Variants in GRIK1 observed in about 807,000 individuals in gnomAD.
GRIK1 encodes glutamate ionotropic receptor kainate type subunit 1.
A neutral mutation model predicts 105.7 loss-of-function variants in GRIK1; 69 were observed. That is an observed-to-expected ratio of 0.65 (90% CI 0.54 to 0.80). The LOEUF is 0.80. GRIK1 is among the 30% of genes least tolerant of loss of function. The pLI, the probability that GRIK1 is intolerant of heterozygous loss-of-function variation, is 0.00. For synonymous variants in GRIK1, 438 were observed against 431.3 expected, an observed-to-expected ratio of 1.02 and a Z score of -0.19; for missense variants, 1,109 against 1,167.3, an observed-to-expected ratio of 0.95 and a Z score of 0.73.
intron 16 of GRIK1, among the ~76,000 whole-genome samples, chr21:29,539,344 C>G (rs1431771691): frequency 6.6e-6 from 1 of 152,142 alleles, no homozygotes; most frequent in Non-Finnish European, 1.5e-5. Flanking sequence ...AACACTTACA[C>G]TAGCCTACAG....
intron 1 of GRIK1, among the ~76,000 whole-genome samples, chr21:29,843,707 G>C (rs1481216901): frequency 6.6e-6 from 1 of 152,208 alleles, no homozygotes; most frequent in Non-Finnish European, 1.5e-5. Context: ...GGAGAAGATA[G>C]ATGCATTTTA....
intron 4 of GRIK1, among the ~76,000 whole-genome samples, chr21:29,665,856 C>T (rs1227362530): frequency 1.3e-5 from 2 of 152,206 alleles, no homozygotes; most frequent in Non-Finnish European, 2.9e-5. Flanking sequence ...CCTGAAGCCT[C>T]ATTTTCCTCA....
At chr21:29,809,319 T>C (rs2066946891) in intron 1 of GRIK1, among the ~76,000 whole-genome samples, 1 of 152,186 alleles carries the variant, frequency 6.6e-6, no homozygotes, top group South Asian at 2.1e-4. Context: ...TTCCAGTCAG[T>C]GCCTATGAAA....
At chr21:29,716,702 G>A (rs1014966837) in intron 1 of GRIK1, among the ~76,000 whole-genome samples, 5 of 152,192 alleles carry the variant, frequency 3.3e-5, no homozygotes, top group African/African-American at 1.2e-4. Context: ...AAGTGGCAAA[G>A]CACTCAAGAG....
At chr21:29,815,332 A>G (rs568236850) in intron 1 of GRIK1, among the ~76,000 whole-genome samples, 1 of 152,226 alleles carries the variant, frequency 6.6e-6, no homozygotes, top group African/African-American at 2.4e-5. Context: ...TGTGTATTAG[A>G]GATATTTGTA....
chr21:29,615,047 T>C (rs1766569097), intron 7 of GRIK1, among the ~76,000 whole-genome samples: 1 of 151,730 alleles, frequency 6.6e-6, no homozygotes, highest in Non-Finnish European at 1.5e-5. Flanking sequence ...TCTTGTTGAA[T>C]GAGCGATAGA....
Position 29,672,961 on chromosome 21 carries a change from ACCTCCT to A in GRIK1, c.726+16_726+21del. 6.4e-7 allele frequency: 1 copy of A among 1,556,236 alleles called. No homozygotes were observed. Among genetic ancestry groups the A allele is most frequent in the Non-Finnish European group, 8.8e-7 (1 of 1,141,834 alleles). The stretch of plus-strand genomic sequence containing the variant: ...AAAATAACATTTATCCCACACCTCC[ACCTCCT>A]CCCTAGCCCTCTTACCTGCTTAAGG... On this transcript the variant is annotated intron_variant, in intron 4 of 17. Transcript: ENST00000327783.
intron 1 of GRIK1, among the ~76,000 whole-genome samples, chr21:29,837,625 T>C (rs1486694447): frequency 6.6e-6 from 1 of 152,190 alleles, no homozygotes; most frequent in African/African-American, 2.4e-5. Context: ...CAGCCAAGCT[T>C]ATGAGCATAT....
At chr21:29,550,087 G>A (rs1601083653) in intron 16 of GRIK1, among the ~76,000 whole-genome samples, 1 of 101,694 alleles carries the variant, frequency 9.8e-6, no homozygotes, top group Admixed American at 1.4e-4. Context: ...CAGCCTGGGC[G>A]ACAGAGAAAG....
chr21:29,924,034 T>A (rs1003662659), intron 1 of GRIK1, among the ~76,000 whole-genome samples: 1 of 152,054 alleles, frequency 6.6e-6, no homozygotes, highest in African/African-American at 2.4e-5. Flanking sequence ...GGGAGATATA[T>A]ACTCATATAT....
rs551544672 is a variant in GRIK1 at position 29,881,023 on chromosome 21, G to A, written c.118+58360C>T. On this transcript the variant is annotated intron_variant, in intron 1 of 17. Coordinates refer to ENST00000327783, the MANE Select transcript of GRIK1 (RefSeq NM_001330994.2). ...AATTTGTTTTGAGAAGCACCCAGGA[G>A]CACAACAATCTCAAGACTAAATTTC... Among the ~76,000 whole-genome samples, 6 of 152,234 alleles carry A rather than the reference G, an allele frequency of 3.9e-5. No individual in the cohort carries two copies. In the South Asian group the frequency reaches 1.0e-3, roughly 26 times the overall value.
chr21:29,621,809 C>T (rs1416717465), intron 7 of GRIK1, among the ~76,000 whole-genome samples: 1 of 152,300 alleles, frequency 6.6e-6, no homozygotes, highest in Admixed American at 6.5e-5. Flanking sequence ...ATACAACATC[C>T]ACTTTACACT....
chr21:29,704,117 C>G (rs2063861311), intron 1 of GRIK1, among the ~76,000 whole-genome samples: 1 of 152,144 alleles, frequency 6.6e-6, no homozygotes, highest in Admixed American at 6.5e-5. Flanking sequence ...CAGTGTTATT[C>G]AACACTCAGT....
At chr21:29,767,459 A>C (rs2065695737) in intron 1 of GRIK1, among the ~76,000 whole-genome samples, 1 of 152,144 alleles carries the variant, frequency 6.6e-6, no homozygotes, top group African/African-American at 2.4e-5. Flanking sequence ...ACCTGTCTGC[A>C]TTATGGAAGT....
At chr21:29,623,004 T>G (rs1395338819) in intron 7 of GRIK1, among the ~76,000 whole-genome samples, 2 of 152,144 alleles carry the variant, frequency 1.3e-5, no homozygotes, top group Non-Finnish European at 2.9e-5. Flanking sequence ...GGTAACAAAT[T>G]GACTGCCTAT....
chr21:29,897,006 C>A (rs942913596), intron 1 of GRIK1, among the ~76,000 whole-genome samples: 7 of 152,134 alleles, frequency 4.6e-5, no homozygotes, highest in Non-Finnish European at 8.8e-5. Context: ...ACCCCCTTAA[C>A]CTAAAAAACT....
chr21:29,859,473 A>G (rs1347173526), intron 1 of GRIK1, among the ~76,000 whole-genome samples: 5 of 152,222 alleles, frequency 3.3e-5, no homozygotes, highest in South Asian at 2.1e-4. Context: ...AATTACTGAC[A>G]GTTCCACTGC....
At chr21:29,794,249 G>GTAATT (rs144946422) in intron 1 of GRIK1, among the ~76,000 whole-genome samples, 2,244 of 152,252 alleles carry the variant, frequency 0.015, 22 homozygotes, top group Middle Eastern at 0.058. Context: ...AAAACAGCCT[G>GTAATT]TAATTCCCTA....
intron 1 of GRIK1, among the ~76,000 whole-genome samples, chr21:29,846,430 A>C (rs1391293830): frequency 2.5e-5 from 3 of 118,012 alleles, no homozygotes; most frequent in Non-Finnish European, 5.0e-5. Context: ...AGAAAAAAAT[A>C]AAGAAGGAAA....
Sources: gnomAD v4.1 joint callset for allele counts (sites outside exome capture counted in the v4.1 genomes callset) on GRCh38, gnomAD v4.1.1 for gene constraint, MANE v1.5 for transcripts, NCBI Gene and HGNC (gene_info 2026-07-23, HGNC 2026-07-21) for gene names.